Variants in GRM1 observed in about 807,000 individuals in gnomAD.
The protein encoded by GRM1 is glutamate metabotropic receptor 1, also known as metabotropic glutamate receptor 1.
Under a neutral mutation model 90.9 loss-of-function variants are expected in GRM1, and 33 were observed. The observed-to-expected ratio is 0.36, with a 90% CI of 0.28 to 0.49. The LOEUF is 0.49. Among genes scored for constraint, GRM1 ranks in the 20% least tolerant of loss-of-function variants. GRM1 has a pLI of 0.99. For missense variants in GRM1, 1,190 were observed against 1,534.3 expected (o/e 0.78, Z 3.75); for synonymous variants, 700 against 613.2 (o/e 1.14, Z -2.09).
chr6:146,138,635 T>G (rs575935937), intron 1 of GRM1, among the ~76,000 whole-genome samples: 1 of 152,248 alleles, frequency 6.6e-6, no homozygotes, highest in South Asian at 2.1e-4. Flanking sequence ...ATTTATTTAT[T>G]TCTTCTAGGT....
intron 1 of GRM1, among the ~76,000 whole-genome samples, chr6:146,142,358 G>A (rs138977812): frequency 6.6e-6 from 1 of 152,294 alleles, no homozygotes; most frequent in African/African-American, 2.4e-5. Flanking sequence ...CAGACCTGAA[G>A]CTAGCACAGC....
chr6:146,236,601 A>G (rs1780654182), intron 2 of GRM1, among the ~76,000 whole-genome samples: 2 of 152,006 alleles, frequency 1.3e-5, no homozygotes, highest in Non-Finnish European at 1.5e-5. Context: ...TCTCCCTTCA[A>G]TAGGCTGGGC....
intron 3 of GRM1, among the ~76,000 whole-genome samples, chr6:146,315,618 A>G (rs1452323623): frequency 6.6e-6 from 1 of 152,182 alleles, no homozygotes; most frequent in East Asian, 1.9e-4. Context: ...TTCCTATATT[A>G]ATCTGGGTCC....
chr6:146,342,482 A>G (rs1305312270), intron 3 of GRM1, among the ~76,000 whole-genome samples: 1 of 152,254 alleles, frequency 6.6e-6, no homozygotes, highest in East Asian at 1.9e-4. Flanking sequence ...AGACAGAAGT[A>G]TCTTGTACTT....
chr6:146,417,190 C>T (rs567090487), intron 7 of GRM1, among the ~76,000 whole-genome samples: 16 of 152,258 alleles, frequency 1.1e-4, no homozygotes, highest in South Asian at 4.2e-4. Context: ...GAAGATGATC[C>T]GCTTACCTCT....
At chr6:146,331,804 G>C (rs921711898) in intron 3 of GRM1, among the ~76,000 whole-genome samples, 3 of 152,102 alleles carry the variant, frequency 2.0e-5, no homozygotes, top group African/African-American at 7.2e-5. Flanking sequence ...TATTTTTGAA[G>C]GTGACTTTGA....
chr6:146,336,500 A>G (rs1784776492), intron 3 of GRM1, among the ~76,000 whole-genome samples: 1 of 152,184 alleles, frequency 6.6e-6, no homozygotes, highest in Non-Finnish European at 1.5e-5. Flanking sequence ...CGATGGGGGA[A>G]CAGAGTCTTC....
intron 1 of GRM1, among the ~76,000 whole-genome samples, chr6:146,108,257 A>G (rs2128872832): frequency 6.6e-6 from 1 of 152,266 alleles, no homozygotes; most frequent in South Asian, 2.1e-4. Context: ...TCACCATTAT[A>G]TGGTCTTGCT....
chr6:146,275,288 G>A lies in GRM1; in HGVS notation c.951-29323G>A, dbSNP rs185192210. ...GCACAATTAAGCTAGACCTTTTAAG[G>A]TGGGTGAAATTTGGATTACAGGAGG... On this transcript the variant is annotated intron_variant, in intron 2 of 7. Transcript: ENST00000282753. Among the ~76,000 whole-genome samples the A allele has an allele frequency of 6.2e-4, 95 of 152,288 alleles. No individual in the cohort carries two copies. In the Middle Eastern group the frequency reaches 0.014, roughly 22 times the overall value.
At chr6:146,075,380 C>T (rs887642172) in intron 1 of GRM1, among the ~76,000 whole-genome samples, 1 of 152,138 alleles carries the variant, frequency 6.6e-6, no homozygotes, top group African/African-American at 2.4e-5. Flanking sequence ...ATTGTTTGTC[C>T]TCAGAGAGCT....
intron 2 of GRM1, among the ~76,000 whole-genome samples, chr6:146,282,586 CA>C (rs1583270963): frequency 6.6e-6 from 1 of 151,604 alleles, no homozygotes; most frequent in Non-Finnish European, 1.5e-5. Flanking sequence ...AAAATTAGTA[CA>C]AAAAATTACT....
At chr6:146,327,198 G>T (rs1784425158) in intron 3 of GRM1, among the ~76,000 whole-genome samples, 1 of 152,078 alleles carries the variant, frequency 6.6e-6, no homozygotes, top group Non-Finnish European at 1.5e-5. Flanking sequence ...ATACCACTTT[G>T]CATTTAGTCA....
Position 146,434,754 on chromosome 6 carries a change from T to C in GRM1, c.3543T>C (p.Ser1181=), listed in dbSNP as rs1457303542. 1.3e-5 allele frequency: 20 copies of C among 1,599,918 alleles called. No individual in the cohort carries two copies. The highest frequency in any genetic ancestry group is 1.7e-5 in the Non-Finnish European group (20 of 1,179,930). Residue 1181 remains serine, a synonymous_variant, in exon 8 of 8, where the codon TCT becomes TCC. Transcript: ENST00000282753. ...LCTPPNVSYA[S]VILRDYKQSS... ...CCCCTCCCAACGTATCCTACGCCTC[T>C]GTCATTCTGCGGGACTACAAGCAAA...
intron 1 of GRM1, among the ~76,000 whole-genome samples, chr6:146,109,384 G>A (rs1775461743): frequency 6.6e-6 from 1 of 152,214 alleles, no homozygotes; most frequent in Admixed American, 6.5e-5. Context: ...GAGGGTGAAG[G>A]CCTCAAGTCT....
intron 1 of GRM1, among the ~76,000 whole-genome samples, chr6:146,052,002 G>A (rs545110134): frequency 6.6e-6 from 1 of 152,120 alleles, no homozygotes. Flanking sequence ...TAACTTTCTC[G>A]AGAGTAGGAT....
At chr6:146,390,962 G>C (rs1228819619) in intron 6 of GRM1, among the ~76,000 whole-genome samples, 2 of 151,986 alleles carry the variant, frequency 1.3e-5, no homozygotes, top group African/African-American at 4.8e-5. Flanking sequence ...ATTTCACCTG[G>C]TAGAATTTCA....
chr6:146,190,092 A>G (rs948359388), intron 2 of GRM1, among the ~76,000 whole-genome samples: 1 of 152,176 alleles, frequency 6.6e-6, no homozygotes, highest in African/African-American at 2.4e-5. Context: ...ATTCAATTGA[A>G]GAAATGGGAA....
chr6:146,185,733 A>G (rs1466747944), intron 2 of GRM1, among the ~76,000 whole-genome samples: 1 of 152,112 alleles, frequency 6.6e-6, no homozygotes, highest in Non-Finnish European at 1.5e-5. Context: ...GATGCTAGCA[A>G]TCCCACCCAC....
chr6:146,246,090 C>A (rs149945589), intron 2 of GRM1, among the ~76,000 whole-genome samples: 149 of 152,226 alleles, frequency 9.8e-4, no homozygotes, highest in African/African-American at 3.3e-3. Context: ...AACAAATGAA[C>A]AGGGCTGTCT....
Sources: gnomAD v4.1 joint callset for allele counts (sites outside exome capture counted in the v4.1 genomes callset) on GRCh38, gnomAD v4.1.1 for gene constraint, MANE v1.5 for transcripts, NCBI Gene and HGNC (gene_info 2026-07-23, HGNC 2026-07-21) for gene names.